Variants in CCNY observed in about 807,000 individuals in gnomAD.
CCNY encodes the protein cyclin Y, also known as cyclin-Y.
Under a neutral mutation model 42.8 loss-of-function variants are expected in CCNY, and 19 were observed. That is an observed-to-expected ratio of 0.44 (90% CI 0.31 to 0.65). CCNY has a LOEUF of 0.65. Among genes scored for constraint, CCNY ranks in the 30% least tolerant of loss-of-function variants. The pLI, the probability that CCNY is intolerant of heterozygous loss-of-function variation, is 0.07. For synonymous variants in CCNY, 165 were observed against 162.7 expected (o/e 1.01, Z -0.11); for missense variants, 370 against 437.3 (o/e 0.85, Z 1.37).
intron 3 of CCNY, among the ~76,000 whole-genome samples, chr10:35,328,361 A>G (rs1055774745): frequency 2.6e-5 from 4 of 152,198 alleles, no homozygotes; most frequent in Non-Finnish European, 4.4e-5. Context: ...GTGAAAATGG[A>G]GCTGGGATAT....
At chr10:35,290,221 A>ATC (rs1554774107) in intron 3 of CCNY, among the ~76,000 whole-genome samples, 3 of 42,812 alleles carry the variant, frequency 7.0e-5, no homozygotes, top group African/African-American at 9.7e-5. Flanking sequence ...GCAAGACTCC[A>ATC]TCACACACAC....
chr10:35,505,265 C>T (rs1321949690), intron 3 of CCNY, among the ~76,000 whole-genome samples: 1 of 145,056 alleles, frequency 6.9e-6, no homozygotes, highest in Admixed American at 6.9e-5. Flanking sequence ...ATGGGTTATT[C>T]TAAGAAGTTA....
At chr10:35,538,034 A>C (rs961011182) in intron 7 of CCNY, among the ~76,000 whole-genome samples, 2 of 152,002 alleles carry the variant, frequency 1.3e-5, no homozygotes, top group Non-Finnish European at 2.9e-5. Flanking sequence ...TTTCCCCCAT[A>C]CTGTTCTCAT....
intron 1 of CCNY, among the ~76,000 whole-genome samples, chr10:35,481,635 T>C (rs1402913474): frequency 6.6e-6 from 1 of 152,216 alleles, no homozygotes; most frequent in African/African-American, 2.4e-5. Context: ...TGCTGGCATG[T>C]GGGAACTGCA....
chr10:35,439,595 A>G (rs748781944), intron 1 of CCNY, among the ~76,000 whole-genome samples: 3 of 149,688 alleles, frequency 2.0e-5, no homozygotes, highest in Admixed American at 1.3e-4. Flanking sequence ...GAGTCTTATT[A>G]TGGCTGCTTT....
At chr10:35,400,901 C>G (rs191398180) in intron 1 of CCNY, among the ~76,000 whole-genome samples, 169 of 152,282 alleles carry the variant, frequency 1.1e-3, no homozygotes, top group Middle Eastern at 0.01. Flanking sequence ...GTAGGCACAC[C>G]ATGGCATTGA....
intron 1 of CCNY, among the ~76,000 whole-genome samples, chr10:35,366,534 T>C (rs1051779730): frequency 2.6e-5 from 4 of 152,260 alleles, no homozygotes; most frequent in African/African-American, 9.6e-5. Context: ...TTATTAGTGC[T>C]ATCTGTATTA....
At chr10:35,269,060 C>A (rs1330376548) in intron 3 of CCNY, among the ~76,000 whole-genome samples, 4 of 152,206 alleles carry the variant, frequency 2.6e-5, no homozygotes. Context: ...GTCACTTGGC[C>A]ACACCCTCAG....
intron 1 of CCNY, among the ~76,000 whole-genome samples, chr10:35,381,361 A>G (rs1837179804): frequency 6.6e-6 from 1 of 152,070 alleles, no homozygotes. Flanking sequence ...GGAATTTGAG[A>G]CCAGCCGGGC....
At chr10:35,300,482 C>A (rs950989844) in intron 3 of CCNY, among the ~76,000 whole-genome samples, 1 of 152,090 alleles carries the variant, frequency 6.6e-6, no homozygotes, top group Non-Finnish European at 1.5e-5. Flanking sequence ...TCTTCTCTAG[C>A]GTCCTGCTGT....
At chr10:35,493,836 C>T (rs955356149) in intron 2 of CCNY, among the ~76,000 whole-genome samples, 1 of 152,220 alleles carries the variant, frequency 6.6e-6, no homozygotes, top group Non-Finnish European at 1.5e-5. Flanking sequence ...CACAAGTTCT[C>T]AGTAAATATA....
At chr10:35,558,471 A>G (rs1841403533) in intron 8 of CCNY, among the ~76,000 whole-genome samples, 1 of 152,214 alleles carries the variant, frequency 6.6e-6, no homozygotes, top group South Asian at 2.1e-4. Flanking sequence ...CTTGAAGTCC[A>G]GAGTCCCGCT....
chr10:35,328,070 A>C (rs545464800), intron 3 of CCNY, among the ~76,000 whole-genome samples: 1 of 152,350 alleles, frequency 6.6e-6, no homozygotes, highest in African/African-American at 2.4e-5. Context: ...TGATGTGTGA[A>C]TATTCCAAAT....
chr10:35,494,845 G>A (rs114057005), intron 2 of CCNY, among the ~76,000 whole-genome samples: 1,584 of 152,146 alleles, frequency 0.01, 24 homozygotes, highest in African/African-American at 0.036. Context: ...GTATATATGC[G>A]CACAAAAGAG....
Position 35,572,523 on chromosome 10 carries a change from A to C in CCNY, c.*3353A>C, listed in dbSNP as rs1019483867. 6.6e-6 allele frequency: 1 copy of C among 150,930 alleles called. No homozygotes were observed. The highest frequency in any genetic ancestry group is 1.9e-4 in the East Asian group (1 of 5,134). 9.3% of individuals were successfully genotyped at this position (150,930 alleles called of 1,614,324 possible). ...TCAAACTCCTGACCTCAAGTGATCC[A>C]CCCCCCTCAGCCTCCCAAAGTGCTG... is the stretch of plus-strand genomic sequence containing the variant. On this transcript the variant is annotated 3_prime_UTR_variant, in exon 10 of 10. Coordinates refer to ENST00000374704, the MANE Select transcript of CCNY (RefSeq NM_145012.6).
At chr10:35,552,492 AACAAC>A (rs2135450482) in intron 7 of CCNY, among the ~76,000 whole-genome samples, 1 of 152,354 alleles carries the variant, frequency 6.6e-6, no homozygotes, top group South Asian at 2.1e-4. Flanking sequence ...ACACTGCAGA[AACAAC>A]ACAACAGTGT....
At chr10:35,301,305 A>G (rs1397992909) in intron 3 of CCNY, among the ~76,000 whole-genome samples, 1 of 152,170 alleles carries the variant, frequency 6.6e-6, no homozygotes, top group Non-Finnish European at 1.5e-5. Context: ...TGGAAGGTCC[A>G]GTTTTGAATA....
At chr10:35,485,880 C>A (rs566321205) in intron 2 of CCNY, among the ~76,000 whole-genome samples, 1 of 152,122 alleles carries the variant, frequency 6.6e-6, no homozygotes, top group Admixed American at 6.6e-5. Flanking sequence ...CCTCAGACAT[C>A]TTCATAAACT....
At chr10:35,486,757 C>T (rs1425713823) in intron 2 of CCNY, among the ~76,000 whole-genome samples, 1 of 152,248 alleles carries the variant, frequency 6.6e-6, no homozygotes, top group African/African-American at 2.4e-5. Context: ...TGTGCTTCCG[C>T]CATACATACT....
Sources: gnomAD v4.1 joint callset for allele counts (sites outside exome capture counted in the v4.1 genomes callset) on GRCh38, gnomAD v4.1.1 for gene constraint, MANE v1.5 for transcripts, NCBI Gene and HGNC (gene_info 2026-07-23, HGNC 2026-07-21) for gene names.